The following AKAP13 variants were observed in gnomAD, a reference collection of about 807,000 sequenced individuals.
The protein encoded by AKAP13 is A-kinase anchoring protein 13.
A neutral mutation model predicts 264.5 loss-of-function variants in AKAP13; 80 were observed. The observed-to-expected ratio is 0.30, with a 90% CI of 0.25 to 0.36. The LOEUF is 0.36. AKAP13 is among the 10% of genes least tolerant of loss of function. The pLI is 1.00. For synonymous variants in AKAP13, 1,380 were observed against 1,250.2 expected (o/e 1.10, Z -2.19); for missense variants, 3,712 against 3,435.2 (o/e 1.08, Z -2.01).
Position 85,562,605 on chromosome 15 carries a change from A to C in AKAP13, c.663-12526A>C, listed in dbSNP as rs1346593622. 4.6e-4 allele frequency among the ~76,000 whole-genome samples: 62 copies of C among 133,368 alleles called. 2 individuals are homozygous for C. The highest frequency in any genetic ancestry group is 2.4e-3 in the South Asian group (10 of 4,222). 87.5% of individuals were successfully genotyped at this position (133,368 alleles called of 152,430 possible). A position where few individuals can be genotyped will look rare whatever the true frequency, so the allele number is the denominator to read the frequency against. ...TATATATATATATATATATATATAT[A>C]TCTCTGTCCTTATATCTTAATCCTT... On this transcript the variant is annotated intron_variant, in intron 5 of 36. Coordinates refer to ENST00000394518, the MANE Select transcript of AKAP13 (RefSeq NM_007200.5).
chr15:85,424,982 G>A (rs549707118), intron 1 of AKAP13, among the ~76,000 whole-genome samples: 4 of 152,254 alleles, frequency 2.6e-5, no homozygotes, highest in African/African-American at 7.2e-5. Context: ...ACAGTTGGTG[G>A]TGCCCTAAAA....
intron 1 of AKAP13, among the ~76,000 whole-genome samples, chr15:85,409,694 G>C (rs1383393361): frequency 6.8e-6 from 1 of 148,032 alleles, no homozygotes; most frequent in Non-Finnish European, 1.5e-5. Context: ...GCAGCGGTGC[G>C]ATCTCGGCTC....
chr15:85,696,252 C>T (rs796391407), intron 17 of AKAP13, among the ~76,000 whole-genome samples: 19 of 152,264 alleles, frequency 1.2e-4, no homozygotes, highest in African/African-American at 4.6e-4. Flanking sequence ...GTAATATAAT[C>T]CATAAGCCCA....
intron 8 of AKAP13, among the ~76,000 whole-genome samples, chr15:85,606,979 C>T (rs1205013836): frequency 6.6e-6 from 1 of 152,020 alleles, no homozygotes; most frequent in African/African-American, 2.4e-5. Flanking sequence ...CCAAATTAGG[C>T]ACTTGGGGAT....
At chr15:85,491,145 A>C (rs1285547317) in intron 2 of AKAP13, among the ~76,000 whole-genome samples, 1 of 152,116 alleles carries the variant, frequency 6.6e-6, no homozygotes, top group Non-Finnish European at 1.5e-5. Context: ...GGAGGAGATG[A>C]GGAAGAAGCT....
chr15:85,658,470 T>C (rs987751069), intron 11 of AKAP13, 67 bp from the exon 12 acceptor site: 2 of 1,380,966 alleles, frequency 1.4e-6, no homozygotes, highest in Admixed American at 1.7e-5. Flanking sequence ...GGTGTCTGTA[T>C]GTTTCATGCA....
At position 85,581,149 on chromosome 15, in the gene AKAP13, G is replaced by A. The variant is rs1361330542; in HGVS notation, c.3081G>A (p.Glu1027=). The part of the protein sequence containing the change: ...LVPPGASLAT[E]SRQEALGAEH... ...CACCAGGAGCAAGTCTGGCCACAGA[G>A]TCAAGGCAGGAAGCCTTGGGGGCAG... Residue 1027 remains glutamate, a synonymous_variant, in exon 7 of 37, where the codon GAG becomes GAA. Transcript: ENST00000394518. The A allele has an allele frequency of 6.2e-7, 1 of 1,614,130 alleles. No homozygotes were observed. Among genetic ancestry groups the A allele is most frequent in the Middle Eastern group, 1.6e-4 (1 of 6,062 alleles).
chr15:85,616,457 A>G (rs2080941059), intron 8 of AKAP13, among the ~76,000 whole-genome samples: 2 of 152,188 alleles, frequency 1.3e-5, no homozygotes, highest in African/African-American at 2.4e-5. Context: ...GTGGCATGAG[A>G]CAGATTAAAA....
intron 5 of AKAP13, among the ~76,000 whole-genome samples, chr15:85,556,817 A>C (rs1596518162): frequency 6.6e-6 from 1 of 152,076 alleles, no homozygotes; most frequent in Non-Finnish European, 1.5e-5. Context: ...TTGTTAGGTC[A>C]CCTCCTCAGA....
At position 85,655,557 on chromosome 15, in the gene AKAP13, G is replaced by A; in HGVS notation, c.4515G>A (p.Arg1505=). The change falls in exon 11 of 37, where the codon CGG becomes CGA. Residue 1505 remains arginine (R), a synonymous_variant. Coordinates refer to ENST00000394518, the MANE Select transcript of AKAP13 (RefSeq NM_007200.5). ...QILKPNRSRD[R]QSLDGFYSHG... ...TAAAGCCAAACAGGTCAAGAGATCGGCAAAGCCTTGATGGATTCTACAGCC... is the reference window on the plus strand; with the variant it reads ...TAAAGCCAAACAGGTCAAGAGATCGACAAAGCCTTGATGGATTCTACAGCC... 3 of 1,614,200 alleles carry A rather than the reference G, an allele frequency of 1.9e-6. No individual in the cohort carries two copies. Among genetic ancestry groups the A allele is most frequent in the South Asian group, 2.2e-5 (2 of 91,074 alleles).
chr15:85,444,144 T>TA, intron 1 of AKAP13, among the ~76,000 whole-genome samples: 1 of 152,318 alleles, frequency 6.6e-6, no homozygotes, highest in Admixed American at 6.5e-5. Flanking sequence ...ATCCACTCTA[T>TA]TAATTGCTAA....
rs748734302 is a variant in AKAP13, at chr15:85,743,776, AAAG to A, written c.8347_8349del (p.Lys2783del). ...TGTTTGGGTTAACAAAGCCAAAGGAAAAGAAGGAGAAAAAAAAGAAGAACAAAA... is the reference window on the plus strand; with the variant it reads ...TGTTTGGGTTAACAAAGCCAAAGGAAAAGGAGAAAAAAAAGAAGAACAAAA... On this transcript the variant is annotated inframe_deletion, in exon 36 of 37. Coordinates refer to ENST00000394518, the MANE Select transcript of AKAP13 (RefSeq NM_007200.5). 6.8e-6 allele frequency: 11 copies of A among 1,612,690 alleles called. No individual in the cohort carries two copies. Among genetic ancestry groups the A allele is most frequent in the East Asian group, 2.2e-5 (1 of 44,886 alleles).
At position 85,748,690 on chromosome 15, in the gene AKAP13, A is replaced by ACTCAT. The variant is rs2089439277; in HGVS notation, c.*4016_*4020dup. On this transcript the variant is annotated 3_prime_UTR_variant, in exon 37 of 37. Transcript: ENST00000394518. ...GGAAAATAAAGGCATCTTTCCAAGT[A>ACTCAT]CTCATCTAATTTAATTGTCAAAAGA... 1 of 152,136 alleles carries ACTCAT rather than the reference A, an allele frequency of 6.6e-6. No homozygotes were observed. The highest frequency in any genetic ancestry group is 1.5e-5 in the Non-Finnish European group (1 of 68,012). The allele number at this position is 152,136 out of a possible 1,614,324, so 9.4% of individuals were successfully genotyped here. A position where few individuals can be genotyped will look rare whatever the true frequency, so the allele number is the denominator to read the frequency against.
At chr15:85,726,572 GCCCTCT>G in intron 27 of AKAP13, 86 bp downstream of exon 27, 15 of 1,155,036 alleles carry the variant, frequency 1.3e-5, no homozygotes, top group Non-Finnish European at 1.7e-5. Context: ...GCTCTCCCCC[GCCCTCT>G]TAAAATTAAA....
At chr15:85,714,558 A>G (rs1486362678) in intron 19 of AKAP13, among the ~76,000 whole-genome samples, 2 of 152,250 alleles carry the variant, frequency 1.3e-5, no homozygotes, top group Non-Finnish European at 2.9e-5. Flanking sequence ...CCACCCCTAG[A>G]AGACAAGGGG....
At chr15:85,561,051 A>ATTTT (rs11311086) in intron 5 of AKAP13, among the ~76,000 whole-genome samples, 2 of 109,494 alleles carry the variant, frequency 1.8e-5, no homozygotes, top group South Asian at 3.3e-4. Flanking sequence ...GGATGTAAGG[A>ATTTT]TTTTTTTTTT....
At position 85,602,169 on chromosome 15, in the gene AKAP13, T is replaced by A. The variant is rs72760474; in HGVS notation, c.4161+16346T>A. On this transcript the variant is annotated intron_variant, in intron 8 of 36. Transcript: ENST00000394518. Reference sequence around the variant, plus strand: ...CTTAAAAGCTACTTTCGGTATGCAATCTGAAATCGTATCATTGAACTTTTT... The same window carrying A: ...CTTAAAAGCTACTTTCGGTATGCAAACTGAAATCGTATCATTGAACTTTTT... Among the ~76,000 whole-genome samples the A allele has an allele frequency of 4.8e-3, 723 of 152,098 alleles. 5 individuals carry two copies. Among genetic ancestry groups the A allele is most frequent in the Non-Finnish European group, 7.1e-3 (484 of 68,002 alleles).
At chr15:85,646,408 C>T (rs1470517754) in intron 10 of AKAP13, among the ~76,000 whole-genome samples, 1 of 152,054 alleles carries the variant, frequency 6.6e-6, no homozygotes, top group Non-Finnish European at 1.5e-5. Context: ...GCCTGGGTGG[C>T]AGAGCGAGAC....
chr15:85,411,457 A>ACTC (rs2071961613), intron 1 of AKAP13, among the ~76,000 whole-genome samples: 1 of 151,616 alleles, frequency 6.6e-6, no homozygotes, highest in African/African-American at 2.4e-5. Context: ...TTTTTTTTTG[A>ACTC]GATGGAGTCT....
Sources: gnomAD v4.1 joint callset for allele counts (sites outside exome capture counted in the v4.1 genomes callset) on GRCh38, gnomAD v4.1.1 for gene constraint, MANE v1.5 for transcripts, NCBI Gene and HGNC (gene_info 2026-07-23, HGNC 2026-07-21) for gene names.